The following NDRG1 variants were observed in gnomAD, a reference collection of about 807,000 sequenced individuals.
The protein encoded by NDRG1 is N-myc downstream regulated 1, also known as protein NDRG1.
In NDRG1, 32 loss-of-function variants were observed where a neutral mutation model predicts 56.9. The observed-to-expected ratio is 0.56, with a 90% CI of 0.42 to 0.76. The LOEUF is 0.76. Ranked by LOEUF, NDRG1 falls within the 30% of genes least tolerant of loss-of-function variation. The pLI is 0.00. For synonymous variants in NDRG1, 211 were observed against 204.1 expected, an observed-to-expected ratio of 1.03 and a Z score of -0.29; for missense variants, 507 against 545.7, an observed-to-expected ratio of 0.93 and a Z score of 0.71.
chr8:133,271,077 C>T (rs1043246402), intron 3 of NDRG1, among the ~76,000 whole-genome samples: 6 of 152,206 alleles, frequency 3.9e-5, no homozygotes, highest in East Asian at 1.9e-4. Flanking sequence ...CTGGATGATC[C>T]GGAGGGGCTC....
intron 3 of NDRG1, among the ~76,000 whole-genome samples, chr8:133,269,107 A>G (rs1299615469): frequency 1.3e-5 from 2 of 152,178 alleles, no homozygotes; most frequent in Non-Finnish European, 2.9e-5. Flanking sequence ...GTTTTCCCAA[A>G]GAGAAAGCAC....
intron 9 of NDRG1, among the ~76,000 whole-genome samples, chr8:133,251,184 C>T (rs949471972): frequency 6.6e-6 from 1 of 152,210 alleles, no homozygotes; most frequent in Non-Finnish European, 1.5e-5. Context: ...CTCCCCGTCT[C>T]TGGGTGCTTT....
At chr8:133,256,999 GC>G in intron 7 of NDRG1, 136 bp from the exon 8 acceptor site, 1 of 805,330 alleles carries the variant, frequency 1.2e-6, no homozygotes. Context: ...CTGCTCCCCG[GC>G]CCCACCCCAT....
At chr8:133,276,257 C>G (rs1313616455) in intron 3 of NDRG1, among the ~76,000 whole-genome samples, 1 of 152,192 alleles carries the variant, frequency 6.6e-6, no homozygotes, top group African/African-American at 2.4e-5. Flanking sequence ...GGGAGTAGGT[C>G]AGTTGCCTGT....
chr8:133,239,243 C>CTGGATGG, intron 15 of NDRG1, 124 bp from the exon 16 acceptor site: 1 of 1,457,010 alleles, frequency 6.9e-7, no homozygotes, highest in Non-Finnish European at 9.3e-7. Flanking sequence ...ATCCCTGCAG[C>CTGGATGG]CATCCAGCTG....
intron 5 of NDRG1, among the ~76,000 whole-genome samples, chr8:133,260,033 G>A (rs1856584798): frequency 6.6e-6 from 1 of 152,220 alleles, no homozygotes; most frequent in South Asian, 2.1e-4. Context: ...ACTGAGCTGA[G>A]AAGCCGCAGG....
intron 3 of NDRG1, among the ~76,000 whole-genome samples, chr8:133,272,725 G>A (rs1328732168): frequency 4.6e-5 from 7 of 152,056 alleles, no homozygotes; most frequent in African/African-American, 1.2e-4. Context: ...CCAGATGAGC[G>A]TTCCTGCCAT....
chr8:133,296,194 T>G (rs1858742899), intron 1 of NDRG1, among the ~76,000 whole-genome samples: 1 of 147,330 alleles, frequency 6.8e-6, no homozygotes, highest in Non-Finnish European at 1.5e-5. Flanking sequence ...AACGTCGAAG[T>G]AATTCCAGCT....
At chr8:133,259,056 TA>T in intron 6 of NDRG1, 111 bp downstream of exon 6, 1 of 1,158,006 alleles carries the variant, frequency 8.6e-7, no homozygotes, top group Non-Finnish European at 1.3e-6. Context: ...GCCTCATCTC[TA>T]AATTGCAACC....
At chr8:133,285,786 A>T (rs1858079020) in intron 1 of NDRG1, among the ~76,000 whole-genome samples, 1 of 152,176 alleles carries the variant, frequency 6.6e-6, no homozygotes, top group Admixed American at 6.5e-5. Flanking sequence ...TTCTGAAAAC[A>T]AAGTCGGTTT....
At chr8:133,266,426 A>G (rs897775605) in intron 3 of NDRG1, among the ~76,000 whole-genome samples, 1 of 152,154 alleles carries the variant, frequency 6.6e-6, no homozygotes, top group Non-Finnish European at 1.5e-5. Context: ...GCGTTCACAA[A>G]CTCACGCTTG....
At chr8:133,270,796 G>C (rs1857149506) in intron 3 of NDRG1, among the ~76,000 whole-genome samples, 1 of 152,142 alleles carries the variant, frequency 6.6e-6, no homozygotes, top group Non-Finnish European at 1.5e-5. Flanking sequence ...ACTGTTTTTT[G>C]AGCAATACTT....
At chr8:133,257,282 TACACACACACACACACAC>T (rs58312135) in intron 7 of NDRG1, among the ~76,000 whole-genome samples, 1 of 146,720 alleles carries the variant, frequency 6.8e-6, no homozygotes, top group East Asian at 2.0e-4. Context: ...AACACATGCA[TACACACACACACACACAC>T]ACACACACAC....
chr8:133,275,816 C>T (rs546327542), intron 3 of NDRG1, among the ~76,000 whole-genome samples: 1 of 152,318 alleles, frequency 6.6e-6, no homozygotes, highest in South Asian at 2.1e-4. Flanking sequence ...GCTTCAGGTC[C>T]TCTCTCTCCG....
At chr8:133,270,557 T>C (rs1183606368) in intron 3 of NDRG1, among the ~76,000 whole-genome samples, 1 of 152,126 alleles carries the variant, frequency 6.6e-6, no homozygotes, top group East Asian at 1.9e-4. Flanking sequence ...AGGGTCAAAC[T>C]TGACCTTTTG....
intron 8 of NDRG1, among the ~76,000 whole-genome samples, chr8:133,256,467 C>T (rs1252978627): frequency 6.6e-6 from 1 of 152,182 alleles, no homozygotes; most frequent in Non-Finnish European, 1.5e-5. Flanking sequence ...CAAAGCCTGG[C>T]ACAAGTTATG....
intron 12 of NDRG1, 89 bp downstream of exon 12, chr8:133,247,786 G>A (rs1855768994): frequency 4.4e-6 from 6 of 1,366,072 alleles, no homozygotes; most frequent in African/African-American, 2.9e-5. Context: ...GGGCAGAGGA[G>A]AGGAGGGGCA....
intron 8 of NDRG1, chr8:133,254,796 G>T: frequency 1.6e-6 from 1 of 624,314 alleles, no homozygotes; most frequent in Non-Finnish European, 2.9e-6. Flanking sequence ...TGCAGGGCCT[G>T]GGACTATATC....
chr8:133,238,667 C>T lies in NDRG1; in HGVS notation c.*211G>A. The T allele has an allele frequency of 3.2e-6, 2 of 621,118 alleles. No homozygotes were observed. Among genetic ancestry groups the T allele is most frequent in the Admixed American group, 3.0e-5 (1 of 33,174 alleles). The allele number at this position is 621,118 out of a possible 1,614,324, so 38.5% of individuals were successfully genotyped here. ...AGAGGATGCGATGCGGAGATGCTTG[C>T]TTCCTTCCTTTGGTCCACCGCCACC... On this transcript the variant is annotated 3_prime_UTR_variant, in exon 16 of 16. Coordinates refer to ENST00000323851, the MANE Select transcript of NDRG1 (RefSeq NM_006096.4).
Sources: allele counts gnomAD v4.1 joint callset (sites outside exome capture counted in the v4.1 genomes callset), GRCh38; gene constraint gnomAD v4.1.1; transcripts MANE v1.5; gene names NCBI Gene and HGNC (gene_info 2026-07-23, HGNC 2026-07-21).